The following KNDC1 variants were observed in gnomAD, a reference collection of about 807,000 sequenced individuals.
The protein encoded by KNDC1 is kinase non-catalytic C-lobe domain-containing protein 1.
A neutral mutation model predicts 172.8 loss-of-function variants in KNDC1; 106 were observed. The observed-to-expected ratio is 0.61, with a 90% CI of 0.52 to 0.72. The LOEUF (loss-of-function observed/expected upper bound fraction) is 0.72. Among genes scored for constraint, KNDC1 ranks in the 30% least tolerant of loss-of-function variants. The pLI is 0.00. For missense variants in KNDC1, 2,325 were observed against 2,394.5 expected (o/e 0.97, Z 0.61); for synonymous variants, 1,083 against 1,062.2 (o/e 1.02, Z -0.38).
chr10:133,223,552 CGT>C (rs1233005620), intron 29 of KNDC1, among the ~76,000 whole-genome samples: 7 of 22,888 alleles, frequency 3.1e-4, no homozygotes, highest in African/African-American at 1.0e-3. Flanking sequence ...CGTGTGTGTG[CGT>C]GTGTGTGAGA....
chr10:133,186,112 G>C lies in KNDC1; in HGVS notation c.764G>C (p.Arg255Thr), dbSNP rs1488486758. The C allele has an allele frequency of 6.3e-7, 1 of 1,598,772 alleles. No homozygotes were observed. The highest frequency in any genetic ancestry group is 1.7e-5 in the Admixed American group (1 of 58,314). ...GAGTCTGAGACGAGCCGGGGCCCCA[G>C]AGCCTCCCCAACCAAGGCTCTGCTG... is the stretch of plus-strand genomic sequence containing the variant. ...GPESETSRGP[R>T]ASPTKALLST... is the part of the protein sequence containing the mutation. The change falls in exon 6 of 30, where the codon AGA becomes ACA. Residue 255 changes from arginine (R) to threonine (T), a missense_variant. Coordinates refer to ENST00000304613, the MANE Select transcript of KNDC1 (RefSeq NM_152643.8).
chr10:133,205,132 C>T (rs928752725), intron 17 of KNDC1, among the ~76,000 whole-genome samples: 3 of 151,504 alleles, frequency 2.0e-5, no homozygotes, highest in African/African-American at 7.3e-5. Context: ...GGGGTCACTG[C>T]CCTGGCAGCC....
At chr10:133,202,671 T>G (rs3008385) in intron 17 of KNDC1, 258,703 of 456,328 alleles carry the variant, frequency 0.57, 74,096 homozygotes, top group South Asian at 0.64. Context: ...TCCTCCTTGC[T>G]CCTCTCCTGC....
chr10:133,167,163 A>G, intron 1 of KNDC1: 1 of 585,102 alleles, frequency 1.7e-6, no homozygotes, highest in South Asian at 2.0e-5. Flanking sequence ...TCTGGGCAGC[A>G]CGCCGACGGT....
chr10:133,206,655 TG>T (rs1257681380), intron 17 of KNDC1, 29 bp from the exon 18 acceptor site: 8 of 1,599,934 alleles, frequency 5.0e-6, no homozygotes, highest in Non-Finnish European at 6.9e-6. Flanking sequence ...TGGGGCTGCC[TG>T]GGGCTTAGGC....
chr10:133,185,854 GAGA>G, intron 5 of KNDC1, 117 bp from the exon 6 acceptor site: 1 of 363,328 alleles, frequency 2.8e-6, no homozygotes, highest in Non-Finnish European at 4.8e-6. Flanking sequence ...GAGGGGAGGG[GAGA>G]GGTGGGAGGG....
chr10:133,178,054 GGT>G (rs1380326038), intron 3 of KNDC1, among the ~76,000 whole-genome samples: 6 of 150,028 alleles, frequency 4.0e-5, no homozygotes, highest in Admixed American at 6.6e-5. Flanking sequence ...TGTGTAGCAT[GGT>G]GTGTGTAGCG....
chr10:133,198,648 A>C lies in KNDC1; in HGVS notation c.2140A>C (p.Lys714Gln). The stretch of plus-strand genomic sequence containing the variant: ...CCAGAGGGAGGGAGAAGGTGAGGAG[A>C]AGCTCTCCCTGGAGGCCCACGCTGG... ...GGQREGEGEEKLSLEAHAGSP... is the reference protein window; with the variant it reads ...GGQREGEGEEQLSLEAHAGSP... The change falls in exon 14 of 30, where the codon AAG becomes CAG. Residue 714 changes from lysine (K) to glutamine (Q), a missense_variant. Physicochemically the swap from Lys to Gln is moderately conservative, Grantham distance 53. Coordinates refer to ENST00000304613, the MANE Select transcript of KNDC1 (RefSeq NM_152643.8). 5 of 1,605,004 alleles carry C rather than the reference A, an allele frequency of 3.1e-6. No individual in the cohort carries two copies. The South Asian group carries it at 4.5e-5, about 14-fold the overall frequency.
In KNDC1 at chr10:133,183,466, C is replaced by T. The variant is rs373946228; in HGVS notation, c.483C>T (p.Asp161=). 1.2e-6 allele frequency: 2 copies of T among 1,604,760 alleles called. No individual in the cohort carries two copies. Among genetic ancestry groups the T allele is most frequent in the Non-Finnish European group, 1.7e-6 (2 of 1,177,822 alleles). Residue 161 remains aspartate, a synonymous_variant, in exon 4 of 30, where the codon GAC becomes GAT. Coordinates refer to ENST00000304613, the MANE Select transcript of KNDC1 (RefSeq NM_152643.8). The part of the protein sequence containing the change: ...EALLSRMQAE[D]PGDRPDLESI... ...TGCTGAGCCGGATGCAGGCGGAGGA[C>T]CCCGGGGACCGGCCGGACCTTGAGG...
chr10:133,197,160 G>A (rs780591176), intron 11 of KNDC1, 25 bp downstream of exon 11: 11 of 1,576,422 alleles, frequency 7.0e-6, no homozygotes, highest in South Asian at 2.2e-5. Flanking sequence ...CCAGGCCGCC[G>A]CCTCCTCCGC....
intron 1 of KNDC1, among the ~76,000 whole-genome samples, chr10:133,162,172 G>A (rs1208795235): frequency 1.3e-5 from 2 of 152,210 alleles, no homozygotes; most frequent in Non-Finnish European, 2.9e-5. Flanking sequence ...GGAAAGCATC[G>A]GGTGGTCCCT....
At chr10:133,188,865 C>T (rs1429405587) in intron 7 of KNDC1, among the ~76,000 whole-genome samples, 1 of 151,946 alleles carries the variant, frequency 6.6e-6, no homozygotes, top group East Asian at 1.9e-4. Context: ...GTGAACGGAA[C>T]AGGCGGCTCC....
intron 7 of KNDC1, 102 bp from the exon 8 acceptor site, chr10:133,189,496 G>T: frequency 8.8e-7 from 1 of 1,137,634 alleles, no homozygotes; most frequent in Non-Finnish European, 1.3e-6. Flanking sequence ...GGGGAGGCTG[G>T]GGGGCTGCCC....
In KNDC1 at chr10:133,186,082, G is replaced by T. The variant is rs1853903064; in HGVS notation, c.734G>T (p.Gly245Val). 3 of 1,599,514 alleles carry T rather than the reference G, an allele frequency of 1.9e-6. No individual in the cohort carries two copies. Among genetic ancestry groups the T allele is most frequent in the African/African-American group, 1.3e-5 (1 of 74,722 alleles). Residue 245 changes from glycine to valine, a missense_variant, in exon 6 of 30, where the codon GGC becomes GTC. Coordinates refer to ENST00000304613, the MANE Select transcript of KNDC1 (RefSeq NM_152643.8). ...TDPEVLPTPE[G>V]PESETSRGPR... ...CCGGAGGTTCTGCCGACCCCCGAAGGCCCGGAGTCTGAGACGAGCCGGGGC... is the reference window on the plus strand; with the variant it reads ...CCGGAGGTTCTGCCGACCCCCGAAGTCCCGGAGTCTGAGACGAGCCGGGGC...
intron 3 of KNDC1, among the ~76,000 whole-genome samples, chr10:133,180,340 C>T (rs943723452): frequency 6.6e-6 from 1 of 152,226 alleles, no homozygotes; most frequent in African/African-American, 2.4e-5. Context: ...CGAGGGCCGA[C>T]TGCGTCCTCT....
chr10:133,217,859 G>A (rs547117251), intron 26 of KNDC1, among the ~76,000 whole-genome samples: 3 of 151,942 alleles, frequency 2.0e-5, no homozygotes, highest in East Asian at 1.9e-4. Flanking sequence ...GGCAGATCAC[G>A]AGGTCAGGAG....
chr10:133,177,337 G>A (rs760051471), intron 3 of KNDC1, among the ~76,000 whole-genome samples: 11 of 152,310 alleles, frequency 7.2e-5, no homozygotes, highest in African/African-American at 9.6e-5. Flanking sequence ...TGTCATGCCC[G>A]TGTGTACATG....
At chr10:133,215,697 C>T (rs990044101) in intron 26 of KNDC1, among the ~76,000 whole-genome samples, 3 of 152,236 alleles carry the variant, frequency 2.0e-5, no homozygotes, top group African/African-American at 7.2e-5. Context: ...GCTGCCCCAG[C>T]GGGTGGAGGA....
intron 17 of KNDC1, 80 bp downstream of exon 17, chr10:133,201,978 G>T (rs746100480): frequency 5.8e-5 from 83 of 1,435,876 alleles, no homozygotes; most frequent in Non-Finnish European, 7.5e-5. Context: ...GCAGGTGACA[G>T]ATGGCACCGT....
Sources: allele counts gnomAD v4.1 joint callset (sites outside exome capture counted in the v4.1 genomes callset), GRCh38; gene constraint gnomAD v4.1.1; transcripts MANE v1.5; gene names NCBI Gene and HGNC (gene_info 2026-07-23, HGNC 2026-07-21).